Variants in EPC2 observed in about 807,000 individuals in gnomAD.
The protein encoded by EPC2 is enhancer of polycomb homolog 2.
A neutral mutation model predicts 92.1 loss-of-function variants in EPC2; 14 were observed. The ratio of observed to expected loss-of-function variants is 0.15; its 90% CI spans 0.10 to 0.24. EPC2 has a LOEUF of 0.24. Among genes scored for constraint, EPC2 ranks in the 10% least tolerant of loss-of-function variants. EPC2 has a pLI of 1.00. For synonymous variants in EPC2, 340 were observed against 334.7 expected, an observed-to-expected ratio of 1.02 and a Z score of -0.17; for missense variants, 755 against 971.5, an observed-to-expected ratio of 0.78 and a Z score of 2.96.
rs552613923 is a variant in EPC2, at chr2:148,743,532, A to G, written c.314-90A>G. On this transcript the variant is annotated intron_variant, in intron 2 of 13. Coordinates refer to ENST00000258484, the MANE Select transcript of EPC2 (RefSeq NM_015630.4). ...AGCTCCCCTTTAGTCAGTGCACTGT[A>G]ATTTAGAGGTAGTCTGCAGTCAAAT... is the stretch of plus-strand genomic sequence containing the variant. 1.6e-5 allele frequency: 17 copies of G among 1,035,362 alleles called. No individual in the cohort carries two copies. In the East Asian group the frequency reaches 2.8e-4, roughly 17 times the overall value. The allele number at this position is 1,035,362 out of a possible 1,614,324, so 64.1% of individuals were successfully genotyped here. A position where few individuals can be genotyped will look rare whatever the true frequency, so the allele number is the denominator to read the frequency against.
chr2:148,670,444 A>G (rs929685413), intron 1 of EPC2, among the ~76,000 whole-genome samples: 4 of 152,096 alleles, frequency 2.6e-5, no homozygotes, highest in African/African-American at 9.7e-5. Flanking sequence ...ACAATGTTGT[A>G]CAACCATTAC....
intron 1 of EPC2, among the ~76,000 whole-genome samples, chr2:148,685,482 T>C (rs1681497427): frequency 6.6e-6 from 1 of 152,218 alleles, no homozygotes; most frequent in Non-Finnish European, 1.5e-5. Context: ...TTATGCTGGC[T>C]GGGCACGGTG....
At chr2:148,658,320 C>A (rs915228008) in intron 1 of EPC2, among the ~76,000 whole-genome samples, 2 of 151,876 alleles carry the variant, frequency 1.3e-5, no homozygotes, top group Non-Finnish European at 2.9e-5. Context: ...TCGGGGGCAC[C>A]TTTAGACAGT....
chr2:148,689,880 TTCATC>T, intron 1 of EPC2, among the ~76,000 whole-genome samples: 1 of 152,350 alleles, frequency 6.6e-6, no homozygotes, highest in South Asian at 2.1e-4. Flanking sequence ...GAATTTTTCT[TTCATC>T]TGGTAGTGGT....
chr2:148,735,973 A>G (rs1682745256), intron 2 of EPC2, among the ~76,000 whole-genome samples: 1 of 152,132 alleles, frequency 6.6e-6, no homozygotes, highest in African/African-American at 2.4e-5. Context: ...TTTCTTTTCT[A>G]TGTACTGTAT....
At chr2:148,704,880 A>C (rs1681961156) in intron 2 of EPC2, among the ~76,000 whole-genome samples, 1 of 151,576 alleles carries the variant, frequency 6.6e-6, no homozygotes, top group African/African-American at 2.4e-5. Context: ...AGGGATTTTT[A>C]ATGTGTATCT....
At chr2:148,657,050 C>G (rs1302349574) in intron 1 of EPC2, among the ~76,000 whole-genome samples, 1 of 151,440 alleles carries the variant, frequency 6.6e-6, no homozygotes, top group African/African-American at 2.4e-5. Context: ...GTATGACACC[C>G]AGTAGAGTTA....
At chr2:148,663,232 A>ATT in intron 1 of EPC2, among the ~76,000 whole-genome samples, 1 of 146,022 alleles carries the variant, frequency 6.8e-6, no homozygotes, top group Non-Finnish European at 1.5e-5. Context: ...TATTATTATT[A>ATT]TTATTATTTT....
At chr2:148,715,622 T>C (rs1682244365) in intron 2 of EPC2, among the ~76,000 whole-genome samples, 1 of 152,240 alleles carries the variant, frequency 6.6e-6, no homozygotes, top group Non-Finnish European at 1.5e-5. Flanking sequence ...TTTTGGTTAC[T>C]ATAGCCTTGT....
At position 148,771,361 on chromosome 2, in the gene EPC2, T is replaced by G. The variant is rs1683514428; in HGVS notation, c.1694T>G (p.Leu565Trp). The change falls in exon 10 of 14, where the codon TTG becomes TGG. Residue 565 changes from leucine to tryptophan, a missense_variant. By Grantham distance (61) the Leu-to-Trp change is moderately conservative (BLOSUM62 -2). Transcript: ENST00000258484. ...KRVSAASVAL[L>W]NTSKNGISVT... ...GTTTCTGCAGCATCTGTAGCTTTATTGAACACCAGCAAGAATGGCATATCA... is the reference window on the plus strand; with the variant it reads ...GTTTCTGCAGCATCTGTAGCTTTATGGAACACCAGCAAGAATGGCATATCA... 6.2e-7 allele frequency: 1 copy of G among 1,603,900 alleles called. No homozygotes were observed. The highest frequency in any genetic ancestry group is 8.5e-7 in the Non-Finnish European group (1 of 1,176,368).
chr2:148,758,387 GTTAA>G (rs1451340965), intron 4 of EPC2, among the ~76,000 whole-genome samples: 5 of 151,754 alleles, frequency 3.3e-5, no homozygotes, highest in African/African-American at 1.2e-4. Flanking sequence ...CAACATACTT[GTTAA>G]TTAATTAATT....
chr2:148,717,747 AG>A (rs1682287752), intron 2 of EPC2, among the ~76,000 whole-genome samples: 2 of 152,168 alleles, frequency 1.3e-5, no homozygotes, highest in African/African-American at 4.8e-5. Flanking sequence ...AGAGTTCTAT[AG>A]GTATTTGTCA....
intron 2 of EPC2, among the ~76,000 whole-genome samples, chr2:148,700,726 T>C (rs1341939781): frequency 6.6e-6 from 1 of 151,066 alleles, no homozygotes; most frequent in African/African-American, 2.4e-5. Context: ...GCTCTGAACC[T>C]AAGTCCTCTG....
At chr2:148,721,886 A>ATTTTTTTT (rs1302062474) in intron 2 of EPC2, among the ~76,000 whole-genome samples, 7 of 11,142 alleles carry the variant, frequency 6.3e-4, no homozygotes, top group African/African-American at 9.1e-4. Flanking sequence ...TTCTGTTTTG[A>ATTTTTTTT]TTTCTTTTTT....
intron 1 of EPC2, among the ~76,000 whole-genome samples, chr2:148,647,821 C>T (rs191495036): frequency 6.6e-6 from 1 of 151,782 alleles, no homozygotes; most frequent in African/African-American, 2.4e-5. Context: ...TTAGTAGAGA[C>T]GAGGTTTCAC....
intron 2 of EPC2, among the ~76,000 whole-genome samples, chr2:148,710,706 T>A (rs1682120497): frequency 6.6e-6 from 1 of 152,156 alleles, no homozygotes. Context: ...GGGACATGGA[T>A]GAAGCTGGAA....
chr2:148,675,445 T>C (rs1681244285), intron 1 of EPC2, among the ~76,000 whole-genome samples: 1 of 152,196 alleles, frequency 6.6e-6, no homozygotes, highest in Non-Finnish European at 1.5e-5. Context: ...TCTTGTCTTC[T>C]CGTTTTAAGA....
At chr2:148,667,682 A>G (rs1681080481) in intron 1 of EPC2, among the ~76,000 whole-genome samples, 1 of 152,192 alleles carries the variant, frequency 6.6e-6, no homozygotes. Context: ...AAACTCCAGT[A>G]CAATATTGAA....
At chr2:148,750,916 G>C (rs1325491240) in intron 3 of EPC2, among the ~76,000 whole-genome samples, 6 of 152,100 alleles carry the variant, frequency 3.9e-5, no homozygotes, top group African/African-American at 1.4e-4. Context: ...TATCAACCCT[G>C]AACACAGTAT....
Sources: gnomAD v4.1 joint callset for allele counts (sites outside exome capture counted in the v4.1 genomes callset) on GRCh38, gnomAD v4.1.1 for gene constraint, MANE v1.5 for transcripts, NCBI Gene and HGNC (gene_info 2026-07-23, HGNC 2026-07-21) for gene names.